PAK5: variants seen among roughly 807,000 people sequenced by gnomAD.
The protein encoded by PAK5 is serine/threonine-protein kinase PAK 5.
A neutral mutation model predicts 65.9 loss-of-function variants in PAK5; 16 were observed. The observed-to-expected ratio is 0.24, with a 90% CI of 0.16 to 0.37. The LOEUF is 0.37. Ranked by LOEUF, PAK5 falls within the 10% of genes least tolerant of loss-of-function variation. PAK5 has a pLI of 1.00. For synonymous variants in PAK5, 371 were observed against 354.9 expected, an observed-to-expected ratio of 1.05 and a Z score of -0.51; for missense variants, 785 against 903.9, an observed-to-expected ratio of 0.87 and a Z score of 1.69.
At chr20:9,670,342 G>A (rs1034689146) in intron 2 of PAK5, among the ~76,000 whole-genome samples, 55 of 152,140 alleles carry the variant, frequency 3.6e-4, no homozygotes, top group Admixed American at 1.4e-3. Context: ...CTGAGGAATC[G>A]CCACACTGAC....
At chr20:9,783,346 CTATT>C (rs2048961844) in intron 1 of PAK5, among the ~76,000 whole-genome samples, 3 of 152,186 alleles carry the variant, frequency 2.0e-5, no homozygotes, top group South Asian at 4.1e-4. Context: ...GCGTATCTAT[CTATT>C]TATCAATCAA....
In PAK5 at chr20:9,566,745, T is replaced by C. The variant is rs143245051; in HGVS notation, c.991-361A>G. ...CTTTTCCCATGCTTCTGAATTCACA[T>C]ACTAGAGGGTGGTATGGACATATAT... is the stretch of plus-strand genomic sequence containing the variant. On this transcript the variant is annotated intron_variant, in intron 4 of 9. Coordinates refer to ENST00000353224, the MANE Select transcript of PAK5 (RefSeq NM_177990.4). Among the ~76,000 whole-genome samples the C allele has an allele frequency of 2.0e-3, 303 of 152,248 alleles. 1 individual carries two copies. The highest frequency in any genetic ancestry group is 6.9e-3 in the African/African-American group (285 of 41,548).
intron 3 of PAK5, among the ~76,000 whole-genome samples, chr20:9,590,735 G>C (rs534636979): frequency 6.6e-5 from 10 of 152,276 alleles, no homozygotes; most frequent in African/African-American, 2.4e-4. Flanking sequence ...TTCTGTCACA[G>C]AGGAGGACAT....
intron 7 of PAK5, among the ~76,000 whole-genome samples, chr20:9,549,701 T>C (rs2045397903): frequency 6.6e-6 from 1 of 152,194 alleles, no homozygotes. Flanking sequence ...TTCTGTTTTG[T>C]TCCTAATTAG....
intron 2 of PAK5, among the ~76,000 whole-genome samples, chr20:9,657,832 G>A (rs529124517): frequency 2.0e-5 from 3 of 152,252 alleles, no homozygotes; most frequent in Admixed American, 6.5e-5. Context: ...AAAATGATTT[G>A]CCTTGTTCAA....
chr20:9,832,419 T>C (rs1978797595), intron 1 of PAK5, among the ~76,000 whole-genome samples: 2 of 151,864 alleles, frequency 1.3e-5, no homozygotes. Flanking sequence ...ATTACAGGAG[T>C]GTGCCACCAC....
intron 1 of PAK5, among the ~76,000 whole-genome samples, chr20:9,797,751 T>G (rs1054235611): frequency 2.0e-5 from 3 of 151,744 alleles, no homozygotes; most frequent in Non-Finnish European, 4.4e-5. Flanking sequence ...ATGAGAAAAT[T>G]TAGAGTTCCA....
At chr20:9,770,026 G>A (rs935455588) in intron 1 of PAK5, among the ~76,000 whole-genome samples, 2 of 152,136 alleles carry the variant, frequency 1.3e-5, no homozygotes, top group African/African-American at 4.8e-5. Flanking sequence ...TAGCTGGAGA[G>A]GCCTAGAGTC....
At chr20:9,796,900 T>C (rs1157342269) in intron 1 of PAK5, among the ~76,000 whole-genome samples, 6 of 152,146 alleles carry the variant, frequency 3.9e-5, no homozygotes, top group Non-Finnish European at 8.8e-5. Flanking sequence ...TTTGGGCATA[T>C]ACCCAGTAAT....
intron 2 of PAK5, among the ~76,000 whole-genome samples, chr20:9,687,138 A>G (rs929571772): frequency 3.3e-5 from 5 of 152,188 alleles, no homozygotes; most frequent in Non-Finnish European, 7.3e-5. Context: ...CAGGCTGTAT[A>G]GCTTTGCTCA....
chr20:9,755,978 T>C (rs540535749), intron 1 of PAK5, among the ~76,000 whole-genome samples: 2 of 152,266 alleles, frequency 1.3e-5, no homozygotes, highest in East Asian at 3.9e-4. Flanking sequence ...TCCCCATCAC[T>C]GAAACATAGC....
intron 3 of PAK5, among the ~76,000 whole-genome samples, chr20:9,615,086 A>G (rs1258469666): frequency 6.6e-6 from 1 of 152,372 alleles, no homozygotes; most frequent in East Asian, 1.9e-4. Context: ...GAGAAAAGCT[A>G]TGTAATATAT....
intron 3 of PAK5, among the ~76,000 whole-genome samples, chr20:9,596,003 G>A (rs1286209079): frequency 1.3e-5 from 2 of 151,986 alleles, no homozygotes; most frequent in South Asian, 2.1e-4. Flanking sequence ...CATAATTTAC[G>A]TGTTTCTTGG....
At chr20:9,540,154 C>T (rs2045237835) in intron 9 of PAK5, among the ~76,000 whole-genome samples, 1 of 152,018 alleles carries the variant, frequency 6.6e-6, no homozygotes, top group Admixed American at 6.5e-5. Context: ...ACTATGTTGC[C>T]CAGGCTCAAA....
intron 3 of PAK5, among the ~76,000 whole-genome samples, chr20:9,623,546 C>T (rs1243478399): frequency 6.6e-6 from 1 of 151,998 alleles, no homozygotes; most frequent in Non-Finnish European, 1.5e-5. Context: ...TGAATAAAGA[C>T]AAAACAACAT....
intron 2 of PAK5, among the ~76,000 whole-genome samples, chr20:9,675,183 A>G (rs1244536569): frequency 6.6e-6 from 1 of 152,234 alleles, no homozygotes; most frequent in Non-Finnish European, 1.5e-5. Flanking sequence ...AGACAGAACT[A>G]AATATATATG....
chr20:9,719,083 T>C (rs2048184363), intron 1 of PAK5, among the ~76,000 whole-genome samples: 1 of 152,194 alleles, frequency 6.6e-6, no homozygotes, highest in African/African-American at 2.4e-5. Context: ...CCCTTCACTG[T>C]TGGAATAAGG....
At chr20:9,760,758 A>T (rs6056846) in intron 1 of PAK5, among the ~76,000 whole-genome samples, 50 of 141,562 alleles carry the variant, frequency 3.5e-4, no homozygotes, top group African/African-American at 1.2e-3. Flanking sequence ...TGCAATCTCC[A>T]CCTTCCAGGT....
At chr20:9,604,453 T>C (rs1198612154) in intron 3 of PAK5, among the ~76,000 whole-genome samples, 1 of 152,194 alleles carries the variant, frequency 6.6e-6, no homozygotes, top group Non-Finnish European at 1.5e-5. Context: ...CCCTTTGCTA[T>C]TGAGGTTAAC....
Sources: allele counts gnomAD v4.1 joint callset (sites outside exome capture counted in the v4.1 genomes callset), GRCh38; gene constraint gnomAD v4.1.1; transcripts MANE v1.5; gene names NCBI Gene and HGNC (gene_info 2026-07-23, HGNC 2026-07-21).